The following DRC8 variants were observed in gnomAD, a reference collection of about 807,000 sequenced individuals.
DRC8 encodes the protein dynein regulatory complex subunit 8.
the DRC8 span, chr1:245,017,314 C>G: frequency 6.2e-7 from 1 of 1,600,248 alleles, no homozygotes. Flanking sequence ...TCGAATAATA[C>G]AGTGGATGTG....
At chr1:245,097,633 T>C in the DRC8 span, among the ~76,000 whole-genome samples, 13 of 152,076 alleles carry the variant, frequency 8.5e-5, no homozygotes, top group Admixed American at 8.5e-4. This position sits in a 1 kb window ranked among gnomAD's most constrained non-coding sequence, Gnocchi z 5.0. Context: ...AGGCAGATAA[T>C]ACATCAATAA....
At chr1:245,087,270 G>A in the DRC8 span, 1 of 1,610,308 alleles carries the variant, frequency 6.2e-7, no homozygotes, top group East Asian at 2.2e-5. Flanking sequence ...AAGAGGAAAT[G>A]GAAGAAATGT....
At chr1:245,050,483 G>A in the DRC8 span, among the ~76,000 whole-genome samples, 2 of 152,114 alleles carry the variant, frequency 1.3e-5, no homozygotes, top group Non-Finnish European at 2.9e-5. Flanking sequence ...GGGGGTCACT[G>A]CTTGAATATT....
the DRC8 span, among the ~76,000 whole-genome samples, chr1:244,982,472 C>T: frequency 1.3e-5 from 2 of 152,132 alleles, no homozygotes; most frequent in Non-Finnish European, 2.9e-5. Context: ...TGAGACCAGC[C>T]TAGCCAACAT....
the DRC8 span, among the ~76,000 whole-genome samples, chr1:244,993,174 A>G: frequency 1.3e-5 from 2 of 152,366 alleles, no homozygotes; most frequent in African/African-American, 2.4e-5. Context: ...TATTGGTGAC[A>G]TAAACTAACC....
the DRC8 span, among the ~76,000 whole-genome samples, chr1:244,989,781 T>A: frequency 6.6e-6 from 1 of 152,184 alleles, no homozygotes; most frequent in African/African-American, 2.4e-5. Context: ...AACAGAAGAT[T>A]TGTATCTTTT....
the DRC8 span, among the ~76,000 whole-genome samples, chr1:245,032,991 A>C: frequency 6.6e-6 from 1 of 152,066 alleles, no homozygotes; most frequent in African/African-American, 2.4e-5. Flanking sequence ...TTAAAAAAAA[A>C]AAAACAAAAA....
chr1:245,042,474 T>A, the DRC8 span, among the ~76,000 whole-genome samples: 3 of 152,268 alleles, frequency 2.0e-5, no homozygotes, highest in African/African-American at 7.2e-5. Flanking sequence ...TTCGTCATTA[T>A]TTTACCTTCA....
the DRC8 span, among the ~76,000 whole-genome samples, chr1:245,006,944 AAACAAC>A: frequency 2.0e-5 from 3 of 151,242 alleles, no homozygotes; most frequent in Admixed American, 6.6e-5. Context: ...AAAAACAAAC[AAACAAC>A]AACAACAACA....
At chr1:245,077,729 T>C in the DRC8 span, among the ~76,000 whole-genome samples, 1 of 152,250 alleles carries the variant, frequency 6.6e-6, no homozygotes, top group Non-Finnish European at 1.5e-5. Flanking sequence ...CAACTCAAGC[T>C]GGATTAAAGA....
chr1:245,001,991 G>T, the DRC8 span: 2 of 676,922 alleles, frequency 3.0e-6, no homozygotes, highest in South Asian at 3.6e-5. Context: ...TTATTTGAAA[G>T]CATGGTCCTT....
chr1:245,043,284 T>C, the DRC8 span, among the ~76,000 whole-genome samples: 1 of 151,826 alleles, frequency 6.6e-6, no homozygotes, highest in Non-Finnish European at 1.5e-5. Context: ...ACACAAAAAA[T>C]TAGCTGGGCA....
At chr1:244,983,902 G>A in the DRC8 span, among the ~76,000 whole-genome samples, 1 of 151,960 alleles carries the variant, frequency 6.6e-6, no homozygotes, top group African/African-American at 2.4e-5. Context: ...TCTTATACAA[G>A]GATTTTTTTT....
the DRC8 span, among the ~76,000 whole-genome samples, chr1:245,110,153 C>T: frequency 6.6e-6 from 1 of 152,112 alleles, no homozygotes; most frequent in Non-Finnish European, 1.5e-5. Flanking sequence ...GAGGCGGAGG[C>T]AGGCGGATCA....
the DRC8 span, among the ~76,000 whole-genome samples, chr1:245,085,941 C>T: frequency 6.6e-6 from 1 of 152,212 alleles, no homozygotes; most frequent in East Asian, 1.9e-4. Flanking sequence ...TCCAAAGTAC[C>T]ACCAAGGCTT....
chr1:244,991,122 C>T, the DRC8 span, among the ~76,000 whole-genome samples: 1 of 152,144 alleles, frequency 6.6e-6, no homozygotes, highest in Non-Finnish European at 1.5e-5. Context: ...TTGGGGGTTT[C>T]CATAACCCCC....
At chr1:245,054,558 C>T in the DRC8 span, among the ~76,000 whole-genome samples, 849 of 152,280 alleles carry the variant, frequency 5.6e-3, 2 homozygotes, top group Non-Finnish European at 9.2e-3. Context: ...TTAGCCTCCA[C>T]GCCCCGGCCC....
At chr1:245,085,900 CAG>C in the DRC8 span, among the ~76,000 whole-genome samples, 1 of 152,170 alleles carries the variant, frequency 6.6e-6, no homozygotes, top group East Asian at 1.9e-4. Context: ...TGATGAGTAA[CAG>C]AGTGTAGGCG....
chr1:244,987,983 T>G, the DRC8 span, among the ~76,000 whole-genome samples: 2 of 152,208 alleles, frequency 1.3e-5, no homozygotes, highest in Non-Finnish European at 2.9e-5. Context: ...CTCCTTTGTA[T>G]TTATTATCAT....
Sources: allele counts gnomAD v4.1 joint callset (sites outside exome capture counted in the v4.1 genomes callset), GRCh38; gene constraint gnomAD v4.1.1; non-coding constraint Gnocchi (gnomAD v3.1); transcripts MANE v1.5; gene names NCBI Gene and HGNC (gene_info 2026-07-23, HGNC 2026-07-21).